The following LNX1 variants were observed in gnomAD, a reference collection of about 807,000 sequenced individuals.
LNX1 encodes the protein ligand of numb-protein X 1.
A neutral mutation model predicts 68.4 loss-of-function variants in LNX1; 54 were observed. The observed-to-expected ratio is 0.79, with a 90% CI of 0.63 to 0.99. LNX1 has a LOEUF of 0.99. Among genes scored for constraint, LNX1 ranks in the 50% least tolerant of loss-of-function variants. The probability of loss-of-function intolerance (pLI) is 0.00; values close to 1 mark genes in which losing one functional copy is unlikely to be tolerated. For synonymous variants in LNX1, 336 were observed against 350.0 expected (o/e 0.96, Z 0.45); for missense variants, 906 against 926.4 (o/e 0.98, Z 0.29).
At position 53,466,597 on chromosome 4, in the gene LNX1, G is replaced by A. The variant is rs539228982; in HGVS notation, c.1893-5004C>T. The stretch of plus-strand genomic sequence containing the variant: ...GAATTCCCTTTCCTAGTCAAAGAAA[G>A]GGGTGACAGACGGCACCTGGAAAAT... On this transcript the variant is annotated intron_variant, in intron 9 of 10. Transcript: ENST00000263925. Among the ~76,000 whole-genome samples, 13 of 152,330 alleles carry A rather than the reference G, an allele frequency of 8.5e-5. No homozygotes were observed. In the South Asian group the frequency reaches 2.5e-3, roughly 29 times the overall value.
At chr4:53,591,714 C>G (rs1732515542), upstream of LNX1, 1 of 346,186 alleles carries the variant, frequency 2.9e-6, no homozygotes, top group Non-Finnish European at 4.1e-6. Context: ...GAGCAATTTG[C>G]CAGGTGGAAT....
chr4:53,551,972 T>A (rs1729546398), intron 2 of LNX1, among the ~76,000 whole-genome samples: 1 of 152,176 alleles, frequency 6.6e-6, no homozygotes, highest in African/African-American at 2.4e-5. Context: ...AGTACAAAAC[T>A]CCAGTGGGAA....
At chr4:53,639,786 C>T (rs961092667) in intron 1 of LNX1, among the ~76,000 whole-genome samples, 47 of 152,312 alleles carry the variant, frequency 3.1e-4, no homozygotes, top group African/African-American at 1.1e-3. Flanking sequence ...AATCCCAGCA[C>T]TTTGGGAGGC....
chr4:53,514,671 C>A (rs544313769), intron 2 of LNX1, among the ~76,000 whole-genome samples: 1 of 151,796 alleles, frequency 6.6e-6, no homozygotes, highest in Non-Finnish European at 1.5e-5. Flanking sequence ...GACAGTCAAA[C>A]CATATCAGGG....
At chr4:53,616,912 A>G (rs189012513) in intron 1 of LNX1, among the ~76,000 whole-genome samples, 1 of 152,354 alleles carries the variant, frequency 6.6e-6, no homozygotes, top group African/African-American at 2.4e-5. Context: ...ACTAAGAAGT[A>G]TTAAGCATAG....
At position 53,526,570 on chromosome 4, in the gene LNX1, C is replaced by T. The variant is rs555815824; in HGVS notation, c.381-18343G>A. Reference sequence around the variant, plus strand: ...GTGATGAGAGGCTTTTCCTTCCAGACCCCTGTGCTACTCTGGAAGTAAATA... The same window carrying T: ...GTGATGAGAGGCTTTTCCTTCCAGATCCCTGTGCTACTCTGGAAGTAAATA... On this transcript the variant is annotated intron_variant, in intron 2 of 10. Coordinates refer to ENST00000263925, the MANE Select transcript of LNX1 (RefSeq NM_001126328.3). 3.3e-5 allele frequency among the ~76,000 whole-genome samples: 5 copies of T among 151,810 alleles called. 1 individual carries two copies. The Admixed American group carries it at 3.3e-4, about 10-fold the overall frequency.
intron 4 of LNX1, among the ~76,000 whole-genome samples, chr4:53,499,307 T>C (rs959736464): frequency 6.6e-6 from 1 of 152,100 alleles, no homozygotes; most frequent in African/African-American, 2.4e-5. Context: ...TACAGGCACA[T>C]GCCACCATTC....
At chr4:53,464,069 T>A (rs1056416648) in intron 9 of LNX1, among the ~76,000 whole-genome samples, 2 of 152,100 alleles carry the variant, frequency 1.3e-5, no homozygotes, top group African/African-American at 4.8e-5. Flanking sequence ...ATAGCAGAGG[T>A]TGGAAAGACG....
chr4:53,624,922 C>T (rs2109864517), intron 1 of LNX1, among the ~76,000 whole-genome samples: 1 of 152,246 alleles, frequency 6.6e-6, no homozygotes, highest in Non-Finnish European at 1.5e-5. Context: ...TAAAAGAATT[C>T]ATTAGAAAAT....
At chr4:53,581,169 G>A (rs867182753) in intron 1 of LNX1, among the ~76,000 whole-genome samples, 1 of 152,180 alleles carries the variant, frequency 6.6e-6, no homozygotes, top group East Asian at 1.9e-4. Flanking sequence ...GACCATGACA[G>A]TTGTACCCTT....
intron 1 of LNX1, among the ~76,000 whole-genome samples, chr4:53,633,925 G>A (rs115454401): frequency 7.9e-5 from 12 of 152,236 alleles, no homozygotes; most frequent in Admixed American, 4.6e-4. Flanking sequence ...TTCACAAAGG[G>A]TCTCCTAGAG....
intron 6 of LNX1, among the ~76,000 whole-genome samples, 175 bp from the exon 7 acceptor site, chr4:53,482,029 G>C (rs975047135): frequency 1.3e-5 from 2 of 152,198 alleles, no homozygotes; most frequent in Non-Finnish European, 2.9e-5. Flanking sequence ...GAGCATGAGA[G>C]CTCTTTCCTT....
intron 1 of LNX1, among the ~76,000 whole-genome samples, chr4:53,587,616 G>A (rs1732255922): frequency 6.6e-6 from 1 of 152,040 alleles, no homozygotes; most frequent in Admixed American, 6.6e-5. Flanking sequence ...TCTTACAGAC[G>A]GCATTTCGAG....
At chr4:53,548,406 G>A (rs1340168834) in intron 2 of LNX1, among the ~76,000 whole-genome samples, 1 of 152,108 alleles carries the variant, frequency 6.6e-6, no homozygotes, top group Non-Finnish European at 1.5e-5. Context: ...TATTAATGTA[G>A]TAGTATATGT....
intron 1 of LNX1, among the ~76,000 whole-genome samples, chr4:53,630,048 A>T (rs550117377): frequency 6.6e-6 from 1 of 152,144 alleles, no homozygotes; most frequent in South Asian, 2.1e-4. Flanking sequence ...CATGTTGAAA[A>T]CATGAGTATT....
intron 2 of LNX1, among the ~76,000 whole-genome samples, chr4:53,609,196 A>G (rs1733368937): frequency 6.6e-6 from 1 of 152,096 alleles, no homozygotes; most frequent in Non-Finnish European, 1.5e-5. Flanking sequence ...TGGAAAAATC[A>G]TCTGTATACA....
At chr4:53,590,933 T>G (rs1008985100) in intron 1 of LNX1, among the ~76,000 whole-genome samples, 1 of 151,806 alleles carries the variant, frequency 6.6e-6, no homozygotes, top group African/African-American at 2.4e-5. Flanking sequence ...AAAAAAAAAC[T>G]AGGGACACTT....
chr4:53,630,745 T>C (rs1318902247), intron 1 of LNX1, among the ~76,000 whole-genome samples: 1 of 152,240 alleles, frequency 6.6e-6, no homozygotes, highest in Non-Finnish European at 1.5e-5. Flanking sequence ...ATGTATTGAT[T>C]GGCTGATAAA....
At chr4:53,472,983 C>T (rs1052245047) in intron 9 of LNX1, among the ~76,000 whole-genome samples, 1 of 152,152 alleles carries the variant, frequency 6.6e-6, no homozygotes, top group African/African-American at 2.4e-5. Context: ...GTTTTTAATG[C>T]ACCTTCTGGA....
Sources: allele counts gnomAD v4.1 joint callset (sites outside exome capture counted in the v4.1 genomes callset), GRCh38; gene constraint gnomAD v4.1.1; transcripts MANE v1.5; gene names NCBI Gene and HGNC (gene_info 2026-07-23, HGNC 2026-07-21).